SRC: variants seen among roughly 807,000 people sequenced by gnomAD.
SRC encodes proto-oncogene tyrosine-protein kinase Src.
A neutral mutation model predicts 62.9 loss-of-function variants in SRC; 13 were observed. The observed-to-expected ratio is 0.21, with a 90% CI of 0.13 to 0.33. The LOEUF is 0.33. SRC is among the 10% of genes least tolerant of loss of function. The probability of loss-of-function intolerance (pLI) is 1.00; values close to 1 mark genes in which losing one functional copy is unlikely to be tolerated. For synonymous variants in SRC, 302 were observed against 317.5 expected (o/e 0.95, Z 0.52); for missense variants, 457 against 737.3 (o/e 0.62, Z 4.40).
At position 37,402,806 on chromosome 20, in the gene SRC, C is replaced by A; in HGVS notation, c.1328C>A (p.Thr443Asn). Residue 443 changes from threonine to asparagine, a missense_variant, in exon 13 of 14, where the codon ACC (threonine) becomes AAC (asparagine). Physicochemically the swap from Thr to Asn is moderately conservative, Grantham distance 65. Around this residue, in one of 4 missense-constraint regions of SRC, gnomAD observed 168 missense variants for 357.8 expected, o/e 0.47. Transcript: ENST00000373578. This position sits in a 1 kb window ranked among gnomAD's most constrained non-coding sequence, Gnocchi z 6.2. ...APEAALYGRFTIKSDVWSFGI... is the reference protein window; with the variant it reads ...APEAALYGRFNIKSDVWSFGI... ...GAAGCTGCCCTCTATGGCCGCTTCA[C>A]CATCAAGTCGGACGTGTGGTCCTTC... 1 of 1,614,106 alleles carries A rather than the reference C, an allele frequency of 6.2e-7. No individual in the cohort carries two copies. The highest frequency in any genetic ancestry group is 8.5e-7 in the Non-Finnish European group (1 of 1,180,004).
At chr20:37,386,594 T>G in intron 5 of SRC, 1 of 678,572 alleles carries the variant, frequency 1.5e-6, no homozygotes, top group South Asian at 1.6e-5. Context: ...TGGCTGCTCC[T>G]CACCTCCCAG....
intron 5 of SRC, among the ~76,000 whole-genome samples, chr20:37,390,507 C>T (rs1009900022): frequency 1.5e-4 from 22 of 148,886 alleles, no homozygotes; most frequent in Middle Eastern, 3.5e-3. Context: ...AAGTGATTCT[C>T]CTGCCTCAGC....
intron 5 of SRC, 158 bp from the exon 6 acceptor site, chr20:37,393,737 G>A (rs996916842): frequency 8.4e-6 from 5 of 592,760 alleles, no homozygotes; most frequent in Non-Finnish European, 1.5e-5. Context: ...AGGCCAGCTG[G>A]ACCTGGCATG....
rs1158176653 is a variant in SRC, at chr20:37,396,188, T to G, written c.580T>G (p.Phe194Val). 6 of 1,613,568 alleles carry G rather than the reference T, an allele frequency of 3.7e-6. No individual in the cohort carries two copies. The highest frequency in any genetic ancestry group is 1.3e-5 in the African/African-American group (1 of 74,922). Residue 194 changes from phenylalanine (F) to valine (V), a missense_variant, in exon 8 of 14, where the codon TTC becomes GTC. This residue lies in a region of SRC where 141 missense variants were observed against 198.4 expected (regional missense o/e 0.71). Transcript: ENST00000373578. This position sits in a 1 kb window ranked among gnomAD's most constrained non-coding sequence, Gnocchi z 6.1. ...KGAYCLSVSD[F>V]DNAKGLNVKH... ...TGCCTACTGCCTCTCAGTGTCTGAC[T>G]TCGACAACGCCAAGGGCCTCAACGT...
chr20:37,349,045 G>C (rs929623606), intron 1 of SRC, among the ~76,000 whole-genome samples: 1 of 152,188 alleles, frequency 6.6e-6, no homozygotes, highest in South Asian at 2.1e-4. Context: ...CTGGGGCCTT[G>C]TGGGCCCTGG....
intron 1 of SRC, among the ~76,000 whole-genome samples, chr20:37,354,035 T>C (rs186836204): frequency 5.8e-4 from 89 of 152,298 alleles, no homozygotes; most frequent in South Asian, 1.0e-3. Context: ...CAGTAAGTGC[T>C]CGGTGCGTGT....
At chr20:37,353,831 G>A (rs138306781) in intron 1 of SRC, among the ~76,000 whole-genome samples, 2 of 152,320 alleles carry the variant, frequency 1.3e-5, no homozygotes, top group Non-Finnish European at 2.9e-5. Context: ...TCACTGGGCA[G>A]CGTGAAGACA....
intron 5 of SRC, among the ~76,000 whole-genome samples, chr20:37,392,193 C>A (rs143796522): frequency 9.2e-5 from 14 of 152,254 alleles, no homozygotes; most frequent in African/African-American, 3.4e-4. Flanking sequence ...CCAAGACAGG[C>A]CACACAGCCC....
In SRC at chr20:37,404,548, G is replaced by A. The variant is rs1394455951; in HGVS notation, c.*1169G>A. ...CCCAAGTCGGCACCCTTTAACTCAT[G>A]AGGAGGGAAAAGAGTGCCTAAGCGG... On this transcript the variant is annotated 3_prime_UTR_variant, in exon 14 of 14. Coordinates refer to ENST00000373578, the MANE Select transcript of SRC (RefSeq NM_198291.3). 1 of 233,626 alleles carries A rather than the reference G, an allele frequency of 4.3e-6. No individual in the cohort carries two copies. The highest frequency in any genetic ancestry group is 8.5e-6 in the Non-Finnish European group (1 of 118,072). The allele number at this position is 233,626 out of a possible 1,614,324, so 14.5% of individuals were successfully genotyped here. A position where few individuals can be genotyped will look rare whatever the true frequency, so the allele number is the denominator to read the frequency against.
chr20:37,400,876 G>A (rs2070726479), intron 10 of SRC, among the ~76,000 whole-genome samples: 1 of 151,976 alleles, frequency 6.6e-6, no homozygotes, highest in Admixed American at 6.6e-5. Context: ...GTACCCTCCA[G>A]CCCCAAACCC....
chr20:37,395,674 G>A (rs867968180), intron 7 of SRC, among the ~76,000 whole-genome samples: 6 of 152,164 alleles, frequency 3.9e-5, no homozygotes, highest in South Asian at 2.1e-4. Context: ...GGGGGGACAT[G>A]GACAGTGCCC....
At chr20:37,368,704 C>T (rs2070114792) in intron 2 of SRC, among the ~76,000 whole-genome samples, 1 of 150,570 alleles carries the variant, frequency 6.6e-6, no homozygotes, top group African/African-American at 2.4e-5. Context: ...AGGCGCCCGC[C>T]ACTACGCCCG....
chr20:37,368,965 C>T (rs182813267), intron 2 of SRC, among the ~76,000 whole-genome samples: 4 of 152,228 alleles, frequency 2.6e-5, no homozygotes, highest in African/African-American at 9.6e-5. Flanking sequence ...CTTCTTCTCC[C>T]TTGAATTGTC....
At chr20:37,389,769 AG>A (rs2070516214) in intron 5 of SRC, among the ~76,000 whole-genome samples, 1 of 152,124 alleles carries the variant, frequency 6.6e-6, no homozygotes, top group Admixed American at 6.5e-5. Flanking sequence ...AGGCTCAGAG[AG>A]GTGAACTCAG....
chr20:37,385,302 A>T (rs930450145), intron 4 of SRC, among the ~76,000 whole-genome samples: 3 of 152,186 alleles, frequency 2.0e-5, no homozygotes, highest in African/African-American at 7.2e-5. Flanking sequence ...ACGCAGACGC[A>T]CGCCCAAGCG....
At chr20:37,349,863 C>T (rs1161456029) in intron 1 of SRC, among the ~76,000 whole-genome samples, 2 of 152,264 alleles carry the variant, frequency 1.3e-5, no homozygotes, top group African/African-American at 2.4e-5. Context: ...CTAGCCCCAG[C>T]CCCGCTTCTT....
rs1036901397 is a variant in SRC at position 37,398,463 on chromosome 20, A to G, written c.859+609A>G. ...ACGGCGGTTGTAACCCCGTAAGCCC[A>G]TGGTGCTAGCGGGGATCACGGTGCG... On this transcript the variant is annotated intron_variant, in intron 9 of 13. Transcript: ENST00000373578. This position sits in a 1 kb window ranked among gnomAD's most constrained non-coding sequence, Gnocchi z 5.2. 6.6e-6 allele frequency among the ~76,000 whole-genome samples: 1 copy of G among 152,184 alleles called. No individual in the cohort carries two copies. The highest frequency in any genetic ancestry group is 2.4e-5 in the African/African-American group (1 of 41,456).
At chr20:37,399,490 C>T (rs182493850) in intron 9 of SRC, among the ~76,000 whole-genome samples, 3 of 152,010 alleles carry the variant, frequency 2.0e-5, no homozygotes, top group African/African-American at 4.8e-5. Context: ...GAAGTGACAC[C>T]GGTTGAGTTG....
rs2070776572 is a variant in SRC, at chr20:37,403,533, GGGGCTTCT to G, written c.*157_*164del. Reference sequence around the variant, plus strand: ...GCCCTTCCTCTTTGGTGGCATGGAAGGGGCTTCTGGACCTAGGGTGGCCTGAGAGGGCG... The same window carrying G: ...GCCCTTCCTCTTTGGTGGCATGGAAGGGACCTAGGGTGGCCTGAGAGGGCG... On this transcript the variant is annotated 3_prime_UTR_variant, in exon 14 of 14. Transcript: ENST00000373578. The surrounding 1 kb of genome is among the most constrained non-coding windows in gnomAD (Gnocchi z 7.1). The G allele has an allele frequency of 2.2e-6, 2 of 891,300 alleles. No individual in the cohort carries two copies. The highest frequency in any genetic ancestry group is 3.3e-6 in the Non-Finnish European group (2 of 600,504). The allele number at this position is 891,300 out of a possible 1,614,324, so 55.2% of individuals were successfully genotyped here.
Sources: allele counts gnomAD v4.1 joint callset (sites outside exome capture counted in the v4.1 genomes callset), GRCh38; gene constraint gnomAD v4.1.1; regional missense constraint gnomAD v4.1.1; non-coding constraint Gnocchi (gnomAD v3.1); transcripts MANE v1.5; gene names NCBI Gene and HGNC (gene_info 2026-07-23, HGNC 2026-07-21).